The following MACROD2 variants were observed in gnomAD, a reference collection of about 807,000 sequenced individuals.
MACROD2 encodes the protein ADP-ribose glycohydrolase MACROD2.
In MACROD2, 36 loss-of-function variants were observed where a neutral mutation model predicts 70.4. The ratio of observed to expected loss-of-function variants is 0.51; its 90% CI spans 0.39 to 0.68. MACROD2 has a LOEUF of 0.68. Ranked by LOEUF, MACROD2 falls within the 30% of genes least tolerant of loss-of-function variation. MACROD2 has a pLI of 0.00. For synonymous variants in MACROD2, 172 were observed against 178.8 expected, an observed-to-expected ratio of 0.96 and a Z score of 0.30; for missense variants, 496 against 538.4, an observed-to-expected ratio of 0.92 and a Z score of 0.78.
rs1191182709 is a variant in MACROD2, at chr20:14,993,045, C to T, written c.419-236895C>T. ...GACTGCATTCTCTTTCTCTATCTGC[C>T]TCCCTCTTTCTCCCTTCTCTTGTCC... On this transcript the variant is annotated intron_variant, in intron 5 of 17. Transcript: ENST00000684519. Among the ~76,000 whole-genome samples the T allele has an allele frequency of 6.6e-5, 10 of 152,130 alleles. No individual in the cohort carries two copies. In the East Asian group the frequency reaches 1.9e-3, roughly 29 times the overall value.
At chr20:14,316,819 CCA>C (rs1416083602) in intron 3 of MACROD2, among the ~76,000 whole-genome samples, 2 of 152,128 alleles carry the variant, frequency 1.3e-5, no homozygotes, top group African/African-American at 2.4e-5. Flanking sequence ...CTATTCTGTT[CCA>C]CACAGTGTTT....
rs746010852 is a variant in MACROD2 at position 15,933,246 on chromosome 20, A to AT, written c.776-22dup. The stretch of plus-strand genomic sequence containing the variant: ...GATATTTCACAAATTGACTTGATGC[A>AT]TTTTTTTTCCTCTGTGGTTTTCTTG... On this transcript the variant is annotated intron_variant, in intron 10 of 17. Coordinates refer to ENST00000684519, the MANE Select transcript of MACROD2 (RefSeq NM_001351661.2). 2.1e-5 allele frequency: 33 copies of AT among 1,605,756 alleles called. No homozygotes were observed. In the Middle Eastern group the frequency reaches 5.0e-4, roughly 24 times the overall value.
chr20:14,479,741 C>T (rs2123068156), intron 3 of MACROD2, among the ~76,000 whole-genome samples: 1 of 151,984 alleles, frequency 6.6e-6, no homozygotes, highest in Middle Eastern at 3.4e-3. Context: ...CAGAATTTTG[C>T]AAAATAGAAT....
intron 8 of MACROD2, among the ~76,000 whole-genome samples, chr20:15,518,701 T>C (rs1236356924): frequency 6.6e-6 from 1 of 152,188 alleles, no homozygotes; most frequent in East Asian, 1.9e-4. Context: ...AATAACATCC[T>C]ATCAGAAAGG....
At position 14,071,264 on chromosome 20, in the gene MACROD2, T is replaced by G. The variant is rs928198209; in HGVS notation, c.164-14357T>G. 5.4e-5 allele frequency among the ~76,000 whole-genome samples: 7 copies of G among 128,830 alleles called. 1 individual carries two copies. In the East Asian group the frequency reaches 6.6e-4, roughly 12 times the overall value. The allele number at this position is 128,830 out of a possible 152,430, so 84.5% of individuals were successfully genotyped here. ...CATTTCATCTTGTGTTTTTTTTTTT[T>G]TTTTTTTTTTTTTTGAGATGGAGTC... is the stretch of plus-strand genomic sequence containing the variant. On this transcript the variant is annotated intron_variant, in intron 2 of 17. Transcript: ENST00000684519.
intron 5 of MACROD2, among the ~76,000 whole-genome samples, chr20:15,059,126 A>G (rs2075511332): frequency 1.3e-5 from 2 of 152,236 alleles, no homozygotes; most frequent in African/African-American, 2.4e-5. Context: ...GGCCAGACGC[A>G]GTGGCTCACA....
intron 8 of MACROD2, among the ~76,000 whole-genome samples, chr20:15,638,168 C>T (rs1053429503): frequency 6.6e-6 from 1 of 152,136 alleles, no homozygotes; most frequent in African/African-American, 2.4e-5. Flanking sequence ...ATGAAGAAAC[C>T]CTCAGTATTA....
intron 7 of MACROD2, among the ~76,000 whole-genome samples, chr20:15,432,092 G>T (rs1022360416): frequency 6.6e-6 from 1 of 151,882 alleles, no homozygotes; most frequent in Non-Finnish European, 1.5e-5. Context: ...TAATAAGTCT[G>T]TTTTATAATG....
intron 8 of MACROD2, among the ~76,000 whole-genome samples, chr20:15,746,159 TATA>T (rs1486843223): frequency 6.6e-6 from 1 of 152,140 alleles, no homozygotes; most frequent in Non-Finnish European, 1.5e-5. Context: ...GAACAATGTA[TATA>T]ATTCATTTAA....
intron 4 of MACROD2, among the ~76,000 whole-genome samples, chr20:14,621,210 A>G (rs1363603893): frequency 6.6e-6 from 1 of 152,156 alleles, no homozygotes; most frequent in Non-Finnish European, 1.5e-5. Context: ...AAAGCGTTGT[A>G]TAATTGTTAG....
At chr20:16,005,688 C>T (rs1458372416) in intron 15 of MACROD2, among the ~76,000 whole-genome samples, 1 of 152,230 alleles carries the variant, frequency 6.6e-6, no homozygotes, top group Non-Finnish European at 1.5e-5. Context: ...CCTTTTCTCC[C>T]TCACAGCGTG....
At chr20:14,713,270 A>G (rs1183924726) in intron 5 of MACROD2, among the ~76,000 whole-genome samples, 1 of 152,180 alleles carries the variant, frequency 6.6e-6, no homozygotes, top group Non-Finnish European at 1.5e-5. Flanking sequence ...ATATCTTTAC[A>G]TACTGTCTTC....
At chr20:15,595,167 T>C (rs2048729983) in intron 8 of MACROD2, among the ~76,000 whole-genome samples, 2 of 152,216 alleles carry the variant, frequency 1.3e-5, no homozygotes, top group South Asian at 4.1e-4. Flanking sequence ...GAGTTTTAGT[T>C]TTGAAAGATC....
At chr20:14,262,220 A>G (rs1364898238) in intron 3 of MACROD2, among the ~76,000 whole-genome samples, 1 of 152,158 alleles carries the variant, frequency 6.6e-6, no homozygotes, top group Admixed American at 6.5e-5. Flanking sequence ...GGTAGTGGGG[A>G]GCCATTGAAG....
chr20:14,275,677 C>T (rs545524647), intron 3 of MACROD2, among the ~76,000 whole-genome samples: 263 of 152,138 alleles, frequency 1.7e-3, no homozygotes, highest in Non-Finnish European at 3.2e-3. Context: ...AAGAAACTAC[C>T]ATCAGAGTGA....
intron 8 of MACROD2, among the ~76,000 whole-genome samples, chr20:15,777,290 G>A (rs1419772822): frequency 1.3e-5 from 2 of 152,030 alleles, no homozygotes; most frequent in African/African-American, 2.4e-5. Flanking sequence ...CAGGGCAGCA[G>A]CTACTCTTCT....
intron 3 of MACROD2, among the ~76,000 whole-genome samples, chr20:14,419,238 G>C (rs1328816652): frequency 2.6e-5 from 4 of 152,122 alleles, no homozygotes; most frequent in Non-Finnish European, 4.4e-5. Context: ...ATTTTTAGTA[G>C]AGAAGGGGTT....
chr20:14,679,382 G>A (rs2070902241), intron 4 of MACROD2, among the ~76,000 whole-genome samples: 4 of 152,146 alleles, frequency 2.6e-5, no homozygotes, highest in Admixed American at 6.6e-5. Flanking sequence ...AGAACAGCAA[G>A]GTCATGGGTG....
intron 3 of MACROD2, among the ~76,000 whole-genome samples, chr20:14,227,094 G>A (rs188815679): frequency 8.5e-4 from 130 of 152,286 alleles, no homozygotes; most frequent in Middle Eastern, 3.4e-3. Context: ...TCTAGCTCAG[G>A]GTTTGTGAAT....
Sources: gnomAD v4.1 joint callset for allele counts (sites outside exome capture counted in the v4.1 genomes callset) on GRCh38, gnomAD v4.1.1 for gene constraint, MANE v1.5 for transcripts, NCBI Gene and HGNC (gene_info 2026-07-23, HGNC 2026-07-21) for gene names.